NAV3: variants seen among roughly 807,000 people sequenced by gnomAD.
The protein encoded by NAV3 is neuron navigator 3, also known as pore membrane and/or filament interacting like protein 1.
Under a neutral mutation model 244.7 loss-of-function variants are expected in NAV3, and 87 were observed. The ratio of observed to expected loss-of-function variants is 0.36; its 90% CI spans 0.30 to 0.42. The LOEUF (loss-of-function observed/expected upper bound fraction) is 0.42. Among genes scored for constraint, NAV3 ranks in the 20% least tolerant of loss-of-function variants. The probability of loss-of-function intolerance (pLI) is 1.00; values close to 1 mark genes in which losing one functional copy is unlikely to be tolerated. For synonymous variants in NAV3, 1,126 were observed against 1,042.2 expected (o/e 1.08, Z -1.55); for missense variants, 2,663 against 2,893.3 (o/e 0.92, Z 1.83).
intron 2 of NAV3, among the ~76,000 whole-genome samples, chr12:77,801,526 A>C (rs910852680): frequency 2.0e-5 from 3 of 152,090 alleles, no homozygotes; most frequent in African/African-American, 7.2e-5. Flanking sequence ...TTACAGTACA[A>C]ATTTTCAGAG....
intron 2 of NAV3, among the ~76,000 whole-genome samples, chr12:77,620,567 T>A (rs535208671): frequency 6.6e-6 from 1 of 152,226 alleles, no homozygotes; most frequent in Non-Finnish European, 1.5e-5. Flanking sequence ...ATTCAAGTGA[T>A]TCTCTTGCCT....
intron 2 of NAV3, among the ~76,000 whole-genome samples, chr12:77,649,230 C>T (rs1390086123): frequency 6.6e-6 from 1 of 152,024 alleles, no homozygotes; most frequent in Non-Finnish European, 1.5e-5. Flanking sequence ...GTAGACATAC[C>T]GCTAAGCATT....
chr12:78,142,541 G>A (rs1342514754), intron 20 of NAV3, among the ~76,000 whole-genome samples: 1 of 151,548 alleles, frequency 6.6e-6, no homozygotes, highest in South Asian at 2.1e-4. Context: ...GAGAACACAA[G>A]GGGTACATTT....
intron 3 of NAV3, among the ~76,000 whole-genome samples, chr12:77,964,192 C>G (rs1053931880): frequency 6.6e-6 from 1 of 151,864 alleles, no homozygotes. Flanking sequence ...AAATGGTAGG[C>G]AAAAATTTAT....
At position 77,733,833 on chromosome 12, in the gene NAV3, GATTTT is replaced by G. The variant is rs1177453269; in HGVS notation, c.72+161568_72+161572del. Among the ~76,000 whole-genome samples the G allele has an allele frequency of 2.8e-5, 3 of 108,420 alleles. No homozygotes were observed. The South Asian group carries it at 1.1e-3, about 38-fold the overall frequency. 71.1% of individuals were successfully genotyped at this position (108,420 alleles called of 152,430 possible). ...AGCAAGCCCTAATTGACTTGGTTTA[GATTTT>G]TTTTTTTTTTTTTTTTTTTGCAAGA... is the stretch of plus-strand genomic sequence containing the variant. On this transcript the variant is annotated intron_variant, in intron 2 of 8. Transcript: ENST00000550042.
intron 22 of NAV3, among the ~76,000 whole-genome samples, chr12:78,154,455 G>A (rs546916155): frequency 2.3e-4 from 34 of 149,650 alleles, no homozygotes; most frequent in African/African-American, 7.8e-4. Context: ...AAATGTAGAC[G>A]TTATGTATAA....
At chr12:77,890,691 C>A (rs1012192052) in intron 1 of NAV3, among the ~76,000 whole-genome samples, 9 of 151,978 alleles carry the variant, frequency 5.9e-5, no homozygotes, top group African/African-American at 2.2e-4. Context: ...GAAAAATATC[C>A]AGAAATTACA....
intron 12 of NAV3, among the ~76,000 whole-genome samples, chr12:78,069,875 T>A (rs758680489): frequency 2.6e-5 from 4 of 152,054 alleles, no homozygotes; most frequent in Non-Finnish European, 4.4e-5. Context: ...AGATAAAGAT[T>A]TACAATTTTT....
intron 9 of NAV3, among the ~76,000 whole-genome samples, chr12:78,023,136 AT>A (rs1877441680): frequency 6.6e-6 from 1 of 152,212 alleles, no homozygotes; most frequent in Non-Finnish European, 1.5e-5. Context: ...TTATACATAA[AT>A]GTCCTCAAAT....
chr12:77,704,068 T>C (rs1474541743), intron 2 of NAV3, among the ~76,000 whole-genome samples: 4 of 152,154 alleles, frequency 2.6e-5, no homozygotes, highest in Admixed American at 2.0e-4. Flanking sequence ...ATCTGAGCCA[T>C]AGAATATTAA....
At chr12:77,689,745 T>G (rs1442686810) in intron 2 of NAV3, among the ~76,000 whole-genome samples, 1 of 151,838 alleles carries the variant, frequency 6.6e-6, no homozygotes, top group Non-Finnish European at 1.5e-5. Context: ...AAGTTTCATT[T>G]TTAGGTATTT....
rs140157736 is a variant in NAV3 at position 77,876,124 on chromosome 12, A to G, written c.243+44420A>G. Among the ~76,000 whole-genome samples the G allele has an allele frequency of 6.5e-3, 987 of 152,250 alleles. 15 individuals are homozygous for G. Among genetic ancestry groups the G allele is most frequent in the African/African-American group, 0.022 (921 of 41,570 alleles). On this transcript the variant is annotated intron_variant, in intron 1 of 39. Coordinates refer to ENST00000397909, the MANE Select transcript of NAV3 (RefSeq NM_001024383.2). ...TTTTATAGCCATGATTTTATGTATT[A>G]CATCATTATATTGTATCATAAATGA...
rs1005418431 is a variant in NAV3 at position 77,813,967 on chromosome 12, G to A, written c.73-126352G>A. Among the ~76,000 whole-genome samples the A allele has an allele frequency of 2.6e-5, 4 of 152,236 alleles. No individual in the cohort carries two copies. The East Asian group carries it at 7.7e-4, about 29-fold the overall frequency. On this transcript the variant is annotated intron_variant, in intron 2 of 8. Coordinates refer to the NAV3 transcript ENST00000550042. ...TAGCTCACTACAAAACTGATACACA[G>A]AGTAGTGTCCCCATGTCATCATTAG... is the stretch of plus-strand genomic sequence containing the variant.
intron 2 of NAV3, among the ~76,000 whole-genome samples, chr12:77,602,972 A>G (rs1380180403): frequency 6.6e-6 from 1 of 152,026 alleles, no homozygotes; most frequent in Non-Finnish European, 1.5e-5. Context: ...TCTTGCTGTA[A>G]TTCACCACTT....
intron 2 of NAV3, among the ~76,000 whole-genome samples, chr12:77,585,370 A>C (rs995918237): frequency 1.3e-5 from 2 of 152,154 alleles, no homozygotes; most frequent in Non-Finnish European, 2.9e-5. Context: ...AGCGTGTTTG[A>C]TTCTATCTCT....
intron 2 of NAV3, among the ~76,000 whole-genome samples, chr12:77,761,296 C>A (rs1326763801): frequency 6.6e-6 from 1 of 152,088 alleles, no homozygotes; most frequent in Non-Finnish European, 1.5e-5. Context: ...AGTGTTCCAC[C>A]CACTTCAGCC....
intron 1 of NAV3, among the ~76,000 whole-genome samples, chr12:77,929,005 A>G (rs1346737066): frequency 1.3e-5 from 2 of 152,208 alleles, no homozygotes; most frequent in African/African-American, 4.8e-5. Flanking sequence ...TTTATGGTCA[A>G]AAGAAGTACA....
intron 3 of NAV3, among the ~76,000 whole-genome samples, chr12:77,946,039 A>G: frequency 6.7e-6 from 1 of 150,142 alleles, no homozygotes; most frequent in African/African-American, 2.4e-5. Flanking sequence ...GATTACAGGC[A>G]TGAGCCACCA....
chr12:78,008,935 A>T (rs927332526), intron 8 of NAV3, among the ~76,000 whole-genome samples: 1 of 152,198 alleles, frequency 6.6e-6, no homozygotes, highest in Non-Finnish European at 1.5e-5. Flanking sequence ...AAAATCATGA[A>T]GTTTTAAATA....
Sources: allele counts gnomAD v4.1 joint callset (sites outside exome capture counted in the v4.1 genomes callset), GRCh38; gene constraint gnomAD v4.1.1; transcripts MANE v1.5; gene names NCBI Gene and HGNC (gene_info 2026-07-23, HGNC 2026-07-21).